MAST4: variants seen among roughly 807,000 people sequenced by gnomAD.
The protein encoded by MAST4 is microtubule associated serine/threonine kinase family member 4.
A neutral mutation model predicts 162.7 loss-of-function variants in MAST4; 89 were observed. The observed-to-expected ratio is 0.55, with a 90% confidence interval of 0.46 to 0.65. MAST4 has a LOEUF of 0.65. Among genes scored for constraint, MAST4 ranks in the 30% least tolerant of loss-of-function variants. The probability of loss-of-function intolerance (pLI) is 0.00; values close to 1 mark genes in which losing one functional copy is unlikely to be tolerated. For synonymous variants in MAST4, 1,479 were observed against 1,361.1 expected, an observed-to-expected ratio of 1.09 and a Z score of -1.91; for missense variants, 3,153 against 3,374.0, an observed-to-expected ratio of 0.93 and a Z score of 1.62.
At chr5:67,132,055 C>T in intron 16 of MAST4, 104 bp downstream of exon 16, 1 of 1,272,774 alleles carries the variant, frequency 7.9e-7, no homozygotes, top group Non-Finnish European at 1.1e-6. Context: ...TAAATTATTC[C>T]ATAATGTCCA....
intron 1 of MAST4, among the ~76,000 whole-genome samples, chr5:66,748,709 C>T (rs1406892514): frequency 2.0e-5 from 3 of 151,776 alleles, no homozygotes; most frequent in South Asian, 4.2e-4. Flanking sequence ...AAGATGGTCT[C>T]GATCTCTTGA....
intron 4 of MAST4, among the ~76,000 whole-genome samples, chr5:66,924,561 G>A (rs182712888): frequency 2.9e-4 from 44 of 151,970 alleles, no homozygotes; most frequent in Non-Finnish European, 4.6e-4. Flanking sequence ...GTCCACCACC[G>A]CGCCCGGCTA....
chr5:66,903,851 C>A (rs1763171129), intron 4 of MAST4, among the ~76,000 whole-genome samples: 1 of 152,108 alleles, frequency 6.6e-6, no homozygotes, highest in Non-Finnish European at 1.5e-5. Context: ...TCTGTCTCCC[C>A]CTCCTAGATT....
At chr5:66,648,795 G>A (rs4699884) in intron 1 of MAST4, among the ~76,000 whole-genome samples, 7,732 of 152,064 alleles carry the variant, frequency 0.051, 216 homozygotes, top group Admixed American at 0.1. Context: ...AAATGAAGTC[G>A]GTTTTTACAT....
intron 2 of MAST4, 63 bp from the exon 3 acceptor site, chr5:66,788,607 C>CCCAACAAAAAAAAAAAAA: frequency 1.1e-5 from 15 of 1,373,718 alleles, no homozygotes; most frequent in Non-Finnish European, 1.5e-5. Flanking sequence ...CCCCCACCCC[C>CCCAACAAAAAAAAAAAAA]ATTGCAATAA....
At chr5:67,006,265 G>C (rs1752021261) in intron 4 of MAST4, among the ~76,000 whole-genome samples, 1 of 152,190 alleles carries the variant, frequency 6.6e-6, no homozygotes, top group Non-Finnish European at 1.5e-5. Context: ...TTGAAGTGTT[G>C]ATACCACTAA....
chr5:67,165,881 C>T lies in MAST4; in HGVS notation c.6702C>T (p.Gly2234=). Residue 2234 remains glycine (G), a synonymous_variant, in exon 29 of 29, where the codon GGC becomes GGT. Coordinates refer to ENST00000403625, the MANE Select transcript of MAST4 (RefSeq NM_001164664.2). ...GKEPATQSLG[G]SSREGKGHSK... ...AGCCTGCCACTCAGTCCCTCGGTGG[C>T]TCTAGCAGAGAGGGGAAGGGCCACA... 6.2e-7 allele frequency: 1 copy of T among 1,613,374 alleles called. No individual in the cohort carries two copies. Among genetic ancestry groups the T allele is most frequent in the Non-Finnish European group, 8.5e-7 (1 of 1,179,894 alleles).
chr5:66,729,082 G>C (rs895900366), intron 1 of MAST4, among the ~76,000 whole-genome samples: 1 of 152,152 alleles, frequency 6.6e-6, no homozygotes, highest in African/African-American at 2.4e-5. Context: ...TCTTAAATTT[G>C]CATTTTAGAA....
chr5:67,108,546 A>C (rs573392323), intron 10 of MAST4, among the ~76,000 whole-genome samples: 1 of 152,166 alleles, frequency 6.6e-6, no homozygotes, highest in South Asian at 2.1e-4. Flanking sequence ...TATATGTCCT[A>C]ACATCCTTCC....
intron 3 of MAST4, among the ~76,000 whole-genome samples, chr5:66,842,990 A>C (rs1034378014): frequency 6.6e-6 from 1 of 152,186 alleles, no homozygotes; most frequent in South Asian, 2.1e-4. Flanking sequence ...ACCAATCAAA[A>C]TAATTTGAAA....
intron 1 of MAST4, among the ~76,000 whole-genome samples, chr5:66,694,860 C>T (rs1424999081): frequency 6.6e-6 from 1 of 152,072 alleles, no homozygotes; most frequent in Admixed American, 6.6e-5. Context: ...GTCCTTTGCC[C>T]ATGTTTAATG....
intron 3 of MAST4, among the ~76,000 whole-genome samples, chr5:66,866,194 C>T (rs567993249): frequency 9.4e-5 from 11 of 116,542 alleles, no homozygotes; most frequent in East Asian, 8.4e-4. Context: ...AGTTAGCTGC[C>T]GTCGTAGGGT....
At chr5:66,679,315 C>T (rs1748173582) in intron 1 of MAST4, among the ~76,000 whole-genome samples, 1 of 152,064 alleles carries the variant, frequency 6.6e-6, no homozygotes, top group African/African-American at 2.4e-5. Context: ...ATAGAATTGG[C>T]CAGATTTAGT....
intron 3 of MAST4, among the ~76,000 whole-genome samples, chr5:66,862,548 T>C (rs1440161663): frequency 6.6e-6 from 1 of 152,196 alleles, no homozygotes; most frequent in Non-Finnish European, 1.5e-5. Flanking sequence ...AAACGATCAT[T>C]GACCGATGGA....
chr5:67,154,648 A>G (rs1772266332), intron 26 of MAST4, among the ~76,000 whole-genome samples: 1 of 152,182 alleles, frequency 6.6e-6, no homozygotes, highest in Admixed American at 6.5e-5. Flanking sequence ...TTCTGGATGC[A>G]GTCGATGTGT....
chr5:67,112,843 G>A (rs1766410196), intron 11 of MAST4, among the ~76,000 whole-genome samples: 1 of 152,110 alleles, frequency 6.6e-6, no homozygotes, highest in Non-Finnish European at 1.5e-5. Flanking sequence ...TGTCTGAAGT[G>A]GAGATGAGGA....
chr5:67,121,408 G>A (rs1767564150), intron 14 of MAST4, among the ~76,000 whole-genome samples: 1 of 151,112 alleles, frequency 6.6e-6, no homozygotes. Context: ...AGAAATACCT[G>A]ACTCTTGATT....
chr5:66,936,218 G>C (rs1742734653), intron 4 of MAST4, among the ~76,000 whole-genome samples: 1 of 152,178 alleles, frequency 6.6e-6, no homozygotes, highest in African/African-American at 2.4e-5. Flanking sequence ...CTATCAATGG[G>C]AACATATTTA....
chr5:66,873,409 C>T (rs1023873543), intron 3 of MAST4, among the ~76,000 whole-genome samples: 4 of 152,136 alleles, frequency 2.6e-5, no homozygotes, highest in African/African-American at 9.7e-5. Flanking sequence ...TAACCTGAGT[C>T]GTAGTGAAGA....
Sources: gnomAD v4.1 joint callset for allele counts (sites outside exome capture counted in the v4.1 genomes callset) on GRCh38, gnomAD v4.1.1 for gene constraint, MANE v1.5 for transcripts, NCBI Gene and HGNC (gene_info 2026-07-23, HGNC 2026-07-21) for gene names.